The following TASOR variants were observed in gnomAD, a reference collection of about 807,000 sequenced individuals.
TASOR encodes transcription activation suppressor, also known as protein TASOR.
In TASOR, 53 loss-of-function variants were observed where a neutral mutation model predicts 178.6. That is an observed-to-expected ratio of 0.30 (90% CI 0.24 to 0.37). The LOEUF (loss-of-function observed/expected upper bound fraction) is 0.37, where lower values mean the gene tolerates loss of function less well. TASOR is among the 10% of genes least tolerant of loss of function. TASOR has a pLI of 1.00. For missense variants in TASOR, 1,815 were observed against 1,971.4 expected, an observed-to-expected ratio of 0.92 and a Z score of 1.50; for synonymous variants, 713 against 696.2, an observed-to-expected ratio of 1.02 and a Z score of -0.38.
intron 14 of TASOR, among the ~76,000 whole-genome samples, chr3:56,641,965 T>C (rs1053190082): frequency 2.6e-5 from 4 of 152,374 alleles, no homozygotes; most frequent in African/African-American, 9.6e-5. Context: ...ATTTCCATTG[T>C]AATTTAAGCA....
rs760141478 is a variant in TASOR, at chr3:56,623,274, A to G, written c.4776T>C (p.Tyr1592=). 7.0e-5 allele frequency: 113 copies of G among 1,613,446 alleles called. No individual in the cohort carries two copies. The highest frequency in any genetic ancestry group is 2.1e-4 in the African/African-American group (16 of 74,910). Residue 1592 remains tyrosine (Y), a synonymous_variant, in exon 24 of 24, where the codon TAT becomes TAC. Coordinates refer to ENST00000683822, the MANE Select transcript of TASOR (RefSeq NM_001365635.2). ...GACTATGATAAACCTGAAAGTTACT[A>G]TATGAATCTTGTTCTGTTGAATTGC... ...ENSNSTEQDS[Y]SNFQVYHSQL...
chr3:56,629,101 A>C (rs2076858880), intron 18 of TASOR: 1 of 152,558 alleles, frequency 6.6e-6, no homozygotes, highest in Non-Finnish European at 1.5e-5. Context: ...CTAGAAGAGG[A>C]ATCTAAAGGT....
intron 6 of TASOR, 124 bp from the exon 7 acceptor site, chr3:56,666,508 C>T (rs370514999): frequency 2.7e-5 from 16 of 590,630 alleles, no homozygotes; most frequent in African/African-American, 1.7e-4. Context: ...TGTCTTTAAG[C>T]TCTGCGTGCC....
In TASOR at chr3:56,647,184, T is replaced by C. The variant is rs1245049793; in HGVS notation, c.1553A>G (p.His518Arg). 6.3e-7 allele frequency: 1 copy of C among 1,578,694 alleles called. No homozygotes were observed. The highest frequency in any genetic ancestry group is 2.0e-5 in the Admixed American group (1 of 49,234). ...GSTNAAPQER[H>R]ESMPDVLKIA... ...TTTTAATACATCTGGCATGCTCTCA[T>C]GCCTCTCCTGTGGTGCTGCATTGGT... Residue 518 changes from histidine (H) to arginine (R), a missense_variant, in exon 14 of 24, where the codon CAT (histidine) becomes CGT (arginine). Around this residue, in one of 5 missense-constraint regions of TASOR, gnomAD observed 504 missense variants for 645.3 expected, o/e 0.78. Transcript: ENST00000683822.
In TASOR at chr3:56,627,096, T is replaced by C. The variant is rs767493700; in HGVS notation, c.4080A>G (p.Glu1360=). Residue 1360 remains glutamate (E), a synonymous_variant, in exon 21 of 24, where the codon GAA becomes GAG. Coordinates refer to ENST00000683822, the MANE Select transcript of TASOR (RefSeq NM_001365635.2). ...AGTGGACTTTCCATTGCCATTTTCCTTCTGGAGTACTAAGTTCCTCAAGGA... is the reference window on the plus strand; with the variant it reads ...AGTGGACTTTCCATTGCCATTTTCCCTCTGGAGTACTAAGTTCCTCAAGGA... ...LTFLEELSTP[E]GKWQWKVHCK... The C allele has an allele frequency of 6.2e-7, 1 of 1,613,296 alleles. No individual in the cohort carries two copies. Among genetic ancestry groups the C allele is most frequent in the Non-Finnish European group, 8.5e-7 (1 of 1,179,582 alleles).
intron 4 of TASOR, 139 bp from the exon 5 acceptor site, chr3:56,669,930 C>T: frequency 1.2e-6 from 1 of 859,722 alleles, no homozygotes; most frequent in Non-Finnish European, 1.8e-6. Flanking sequence ...ACTGATCTTA[C>T]ATTTCAGAAC....
rs2031964113 is a variant in TASOR at position 56,683,230 on chromosome 3, GT to G, written c.-225del. ...CTCGGAGCCGCTCCTCCCTCGGGCA[GT>G]TCTTCTGCCTTCCCCCGCCACTCAA... On this transcript the variant is annotated 5_prime_UTR_variant, in exon 1 of 24. Coordinates refer to ENST00000683822, the MANE Select transcript of TASOR (RefSeq NM_001365635.2). 2.1e-6 allele frequency: 1 copy of G among 470,162 alleles called. No individual in the cohort carries two copies. Among genetic ancestry groups the G allele is most frequent in the African/African-American group, 2.0e-5 (1 of 49,066 alleles). 29.1% of individuals were successfully genotyped at this position (470,162 alleles called of 1,614,324 possible).
At chr3:56,645,160 G>A (rs974376428) in intron 14 of TASOR, among the ~76,000 whole-genome samples, 11 of 152,188 alleles carry the variant, frequency 7.2e-5, no homozygotes, top group African/African-American at 2.7e-4. Flanking sequence ...TGTAATTCCA[G>A]CTACTGGGGA....
At chr3:56,647,993 G>A (rs770624808) in intron 13 of TASOR, among the ~76,000 whole-genome samples, 2 of 151,996 alleles carry the variant, frequency 1.3e-5, no homozygotes, top group Non-Finnish European at 2.9e-5. Context: ...CAGGCCAGGA[G>A]TTCAAGAACA....
intron 17 of TASOR, among the ~76,000 whole-genome samples, chr3:56,636,063 G>C (rs2077009286): frequency 6.6e-6 from 1 of 152,006 alleles, no homozygotes; most frequent in South Asian, 2.1e-4. Context: ...CAGCACTTTG[G>C]GAGGCCAAGG....
At chr3:56,653,512 T>C (rs966409780) in intron 11 of TASOR, among the ~76,000 whole-genome samples, 7 of 149,814 alleles carry the variant, frequency 4.7e-5, no homozygotes, top group African/African-American at 1.5e-4. Flanking sequence ...AAGGAACAAT[T>C]AGACTGAGAG....
rs1343791227 is a variant in TASOR, at chr3:56,622,298, C to T, written c.*739G>A. 2 of 152,044 alleles carry T rather than the reference C, an allele frequency of 1.3e-5. No individual in the cohort carries two copies. The highest frequency in any genetic ancestry group is 4.8e-5 in the African/African-American group (2 of 41,408). 9.4% of individuals were successfully genotyped at this position (152,044 alleles called of 1,614,324 possible). A position where few individuals can be genotyped will look rare whatever the true frequency, so the allele number is the denominator to read the frequency against. On this transcript the variant is annotated 3_prime_UTR_variant, in exon 24 of 24. Coordinates refer to ENST00000683822, the MANE Select transcript of TASOR (RefSeq NM_001365635.2). ...AAATGGTAATTACTACTAAGACCACCTCAAAAATATATTCCCATTATACTT... is the reference window on the plus strand; with the variant it reads ...AAATGGTAATTACTACTAAGACCACTTCAAAAATATATTCCCATTATACTT...
chr3:56,625,727 G>A (rs1370877286), intron 21 of TASOR, among the ~76,000 whole-genome samples: 2 of 151,342 alleles, frequency 1.3e-5, no homozygotes, highest in Admixed American at 6.6e-5. Context: ...CTCTGTCGCC[G>A]ATTCTCCTGC....
intron 20 of TASOR, 58 bp downstream of exon 20, chr3:56,627,524 C>A: frequency 6.4e-7 from 1 of 1,556,876 alleles, no homozygotes; most frequent in South Asian, 1.1e-5. Context: ...ATGGACAGTA[C>A]ATTAAAAAGT....
At chr3:56,673,121 T>C (rs1296653661) in intron 2 of TASOR, among the ~76,000 whole-genome samples, 1 of 152,216 alleles carries the variant, frequency 6.6e-6, no homozygotes, top group African/African-American at 2.4e-5. Flanking sequence ...GAATTTACAA[T>C]TGAACCATTA....
chr3:56,640,058 A>C lies in TASOR; in HGVS notation c.2692T>G (p.Phe898Val). ...TTTGACTTAGACTGTTGTCTACGAA[A>C]TCCATGTTCAATGGGAACACTGGGA... is the stretch of plus-strand genomic sequence containing the variant. ...LCPSVPIEHGFRRQQSKSNNV... is the reference protein window; with the variant it reads ...LCPSVPIEHGVRRQQSKSNNV... Residue 898 changes from phenylalanine (F) to valine (V), a missense_variant, in exon 16 of 24, where the codon TTT (phenylalanine) becomes GTT (valine). Coordinates refer to ENST00000683822, the MANE Select transcript of TASOR (RefSeq NM_001365635.2). The C allele has an allele frequency of 6.2e-7, 1 of 1,613,416 alleles. No individual in the cohort carries two copies. Among genetic ancestry groups the C allele is most frequent in the Non-Finnish European group, 8.5e-7 (1 of 1,179,574 alleles).
chr3:56,676,230 T>C (rs2031284400), intron 1 of TASOR, among the ~76,000 whole-genome samples: 1 of 152,208 alleles, frequency 6.6e-6, no homozygotes, highest in Non-Finnish European at 1.5e-5. Flanking sequence ...ATATATTAAA[T>C]AGTCAAGAAA....
chr3:56,628,554 A>G lies in TASOR; in HGVS notation c.3808T>C (p.Ser1270Pro). 6.2e-7 allele frequency: 1 copy of G among 1,600,174 alleles called. No individual in the cohort carries two copies. The highest frequency in any genetic ancestry group is 8.6e-7 in the Non-Finnish European group (1 of 1,169,478). ...CHPEQFLERRSKLDKLLIIIQ... is the reference protein window; with the variant it reads ...CHPEQFLERRPKLDKLLIIIQ... ...ATAATCAATAGTTTATCTAATTTTG[A>G]TCTTCTTTCCAAAAACTGTTCAGGA... The change falls in exon 19 of 24, where the codon TCA becomes CCA. Residue 1270 changes from serine to proline, a missense_variant. By Grantham distance (74) the Ser-to-Pro change is moderately conservative (BLOSUM62 -1). Around this residue, in one of 5 missense-constraint regions of TASOR, gnomAD observed 655 missense variants for 671.1 expected, o/e 0.98. Transcript: ENST00000683822.
intron 1 of TASOR, among the ~76,000 whole-genome samples, chr3:56,678,364 A>T (rs1251212228): frequency 6.6e-6 from 1 of 151,160 alleles, no homozygotes; most frequent in East Asian, 2.0e-4. Flanking sequence ...TGTATTTTTA[A>T]TAGAGTCAGG....
Sources: allele counts gnomAD v4.1 joint callset (sites outside exome capture counted in the v4.1 genomes callset), GRCh38; gene constraint gnomAD v4.1.1; regional missense constraint gnomAD v4.1.1; transcripts MANE v1.5; gene names NCBI Gene and HGNC (gene_info 2026-07-23, HGNC 2026-07-21).